Variants in LRP6 observed in about 807,000 individuals in gnomAD.
The protein encoded by LRP6 is low-density lipoprotein receptor-related protein 6.
LRP6 carries 43 observed loss-of-function variants against 184.1 expected under a neutral mutation model. That is an observed-to-expected ratio of 0.23 (90% CI 0.18 to 0.30). The LOEUF is 0.30. LRP6 is among the 10% of genes least tolerant of loss of function. The probability of loss-of-function intolerance (pLI) is 1.00; values close to 1 mark genes in which losing one functional copy is unlikely to be tolerated. For missense variants in LRP6, 1,571 were observed against 2,005.3 expected (o/e 0.78, Z 4.14); for synonymous variants, 719 against 684.9 (o/e 1.05, Z -0.78).
At chr12:12,260,231 T>C (rs1160067530) in intron 1 of LRP6, among the ~76,000 whole-genome samples, 2 of 151,890 alleles carry the variant, frequency 1.3e-5, no homozygotes, top group Non-Finnish European at 2.9e-5. Context: ...CAAAAAAAAT[T>C]AGCCGGGCGT....
intron 2 of LRP6, among the ~76,000 whole-genome samples, chr12:12,230,380 T>C (rs1864751501): frequency 6.6e-6 from 1 of 152,194 alleles, no homozygotes; most frequent in African/African-American, 2.4e-5. Context: ...ATACTCAATC[T>C]GAATTCGGCT....
intron 2 of LRP6, among the ~76,000 whole-genome samples, chr12:12,220,113 C>T (rs1864449269): frequency 6.6e-6 from 1 of 152,034 alleles, no homozygotes; most frequent in Non-Finnish European, 1.5e-5. Flanking sequence ...CATGGTAAAA[C>T]CCTGTCTCTA....
rs1863494009 is a variant in LRP6, at chr12:12,187,079, A to C, written c.688T>G (p.Leu230Val). 1 of 1,614,102 alleles carries C rather than the reference A, an allele frequency of 6.2e-7. No individual in the cohort carries two copies. The highest frequency in any genetic ancestry group is 1.3e-5 in the African/African-American group (1 of 74,934). ...VKGSLPHPFA[L>V]TLFEDILYWT... is the part of the protein sequence containing the mutation. ...TACAATATGTCCTCAAATAACGTCA[A>C]GGCAAAAGGATGTGGAAGGGAACCT... is the stretch of plus-strand genomic sequence containing the variant. Residue 230 changes from leucine to valine, a missense_variant, in exon 4 of 23, where the codon TTG becomes GTG. Leu to Val is a conservative substitution (Grantham distance 32). Around this residue, in one of 4 missense-constraint regions of LRP6, gnomAD observed 640 missense variants for 851.9 expected, o/e 0.75. Coordinates refer to ENST00000261349, the MANE Select transcript of LRP6 (RefSeq NM_002336.3).
At chr12:12,156,363 T>G (rs1157418244) in intron 12 of LRP6, among the ~76,000 whole-genome samples, 1 of 152,090 alleles carries the variant, frequency 6.6e-6, no homozygotes, top group African/African-American at 2.4e-5. Flanking sequence ...GAGGCCAGTG[T>G]GGCTGTAATG....
chr12:12,260,923 A>C (rs1298966079), intron 1 of LRP6, among the ~76,000 whole-genome samples: 1 of 152,222 alleles, frequency 6.6e-6, no homozygotes, highest in Non-Finnish European at 1.5e-5. Flanking sequence ...ATAGCACTAA[A>C]CATTATTTTT....
At chr12:12,166,310 T>C (rs1030548316) in intron 7 of LRP6, among the ~76,000 whole-genome samples, 2 of 152,164 alleles carry the variant, frequency 1.3e-5, no homozygotes, top group Non-Finnish European at 2.9e-5. Flanking sequence ...TACTGCAGCA[T>C]TTCCAATTGC....
At chr12:12,176,998 C>T (rs1055183315) in intron 7 of LRP6, among the ~76,000 whole-genome samples, 1 of 151,894 alleles carries the variant, frequency 6.6e-6, no homozygotes, top group African/African-American at 2.4e-5. Context: ...CAGGTGCCCG[C>T]CACCACGCCC....
intron 3 of LRP6, among the ~76,000 whole-genome samples, chr12:12,200,784 C>T (rs1863894407): frequency 6.6e-6 from 1 of 152,214 alleles, no homozygotes. Flanking sequence ...CATGAAAGCA[C>T]AGCACTTGCT....
chr12:12,169,998 G>A (rs530631448), intron 7 of LRP6, among the ~76,000 whole-genome samples: 6 of 152,200 alleles, frequency 3.9e-5, no homozygotes, highest in African/African-American at 7.2e-5. Flanking sequence ...AATGTAGGCC[G>A]TATGTGTCCA....
At chr12:12,212,630 G>T (rs1197584310) in intron 2 of LRP6, among the ~76,000 whole-genome samples, 1 of 152,064 alleles carries the variant, frequency 6.6e-6, no homozygotes, top group Non-Finnish European at 1.5e-5. Context: ...TATATAATCA[G>T]TCTCTTTATA....
intron 12 of LRP6, chr12:12,155,526 T>G: frequency 1.3e-6 from 1 of 763,216 alleles, no homozygotes; most frequent in South Asian, 1.4e-5. Context: ...GCCAACAGAA[T>G]TAATATGCAT....
At chr12:12,140,834 C>T (rs1431064187) in intron 15 of LRP6, among the ~76,000 whole-genome samples, 5 of 152,186 alleles carry the variant, frequency 3.3e-5, no homozygotes, top group African/African-American at 1.2e-4. Flanking sequence ...GAACTCCTGA[C>T]CTCATGATCT....
chr12:12,227,468 C>A (rs1288536976), intron 2 of LRP6, among the ~76,000 whole-genome samples: 1 of 150,690 alleles, frequency 6.6e-6, no homozygotes, highest in East Asian at 1.9e-4. Flanking sequence ...GGTGCAACAG[C>A]GCAATCTCGC....
chr12:12,248,851 T>A (rs150363887), intron 1 of LRP6: 1 of 265,572 alleles, frequency 3.8e-6, no homozygotes. Flanking sequence ...TATAGAATGT[T>A]CTCCTCATAC....
At chr12:12,261,077 T>G (rs1386793561) in intron 1 of LRP6, among the ~76,000 whole-genome samples, 1 of 152,140 alleles carries the variant, frequency 6.6e-6, no homozygotes, top group Non-Finnish European at 1.5e-5. Flanking sequence ...AGTAGTTCAG[T>G]ACAGCAAATG....
At chr12:12,163,796 G>C (rs1862800597) in intron 9 of LRP6, among the ~76,000 whole-genome samples, 1 of 152,126 alleles carries the variant, frequency 6.6e-6, no homozygotes, top group South Asian at 2.1e-4. Context: ...GTATTAAAAA[G>C]CATCTAATAA....
chr12:12,140,903 A>AT (rs1316742186), intron 15 of LRP6, among the ~76,000 whole-genome samples: 2 of 151,432 alleles, frequency 1.3e-5, no homozygotes, highest in Non-Finnish European at 3.0e-5. Flanking sequence ...CACCTGGCCA[A>AT]TTAAAAAAAT....
chr12:12,170,854 T>C (rs1488846445), intron 7 of LRP6, among the ~76,000 whole-genome samples: 1 of 151,848 alleles, frequency 6.6e-6, no homozygotes, highest in Non-Finnish European at 1.5e-5. Context: ...AAAAAACTAC[T>C]TTTTTTCTTC....
rs551400286 is a variant in LRP6 at position 12,131,684 on chromosome 12, T to C, written c.3970+137A>G. On this transcript the variant is annotated intron_variant, in intron 18 of 22. Transcript: ENST00000261349. ...TGAATTAAAACAATAATATGGAACA[T>C]GGCACTATGATCAGAAGTGATACAG... 367 of 771,536 alleles carry C rather than the reference T, an allele frequency of 4.8e-4. 4 individuals carry two copies. Among genetic ancestry groups the C allele is most frequent in the South Asian group, 4.6e-3 (331 of 72,550 alleles). 47.8% of individuals were successfully genotyped at this position (771,536 alleles called of 1,614,324 possible).
Sources: allele counts gnomAD v4.1 joint callset (sites outside exome capture counted in the v4.1 genomes callset), GRCh38; gene constraint gnomAD v4.1.1; regional missense constraint gnomAD v4.1.1; transcripts MANE v1.5; gene names NCBI Gene and HGNC (gene_info 2026-07-23, HGNC 2026-07-21).